TNFAIP1: variants seen among roughly 807,000 people sequenced by gnomAD.
The protein encoded by TNFAIP1 is BTB/POZ domain-containing adapter for CUL3-mediated RhoA degradation protein 2.
Under a neutral mutation model 32.6 loss-of-function variants are expected in TNFAIP1, and 20 were observed. The ratio of observed to expected loss-of-function variants is 0.61; its 90% CI spans 0.43 to 0.89. The LOEUF (loss-of-function observed/expected upper bound fraction) is 0.89. TNFAIP1 is among the 40% of genes least tolerant of loss of function. The probability of loss-of-function intolerance (pLI) is 0.00; values close to 1 mark genes in which losing one functional copy is unlikely to be tolerated. For missense variants in TNFAIP1, 319 were observed against 425.1 expected (o/e 0.75, Z 2.20); for synonymous variants, 166 against 166.8 (o/e 1.00, Z 0.04).
chr17:28,339,488 C>A lies in TNFAIP1; in HGVS notation c.-34C>A. The A allele has an allele frequency of 6.4e-7, 1 of 1,556,994 alleles. No individual in the cohort carries two copies. The highest frequency in any genetic ancestry group is 8.7e-7 in the Non-Finnish European group (1 of 1,151,908). On this transcript the variant is annotated 5_prime_UTR_variant, in exon 2 of 7. Coordinates refer to ENST00000226225, the MANE Select transcript of TNFAIP1 (RefSeq NM_021137.5). Reference sequence around the variant, plus strand: ...CCACGGCGGAGCCTTCCAAGCCTACCTCCTGCCGTGTGGTGATCTACCTGC... The same window carrying A: ...CCACGGCGGAGCCTTCCAAGCCTACATCCTGCCGTGTGGTGATCTACCTGC...
intron 1 of TNFAIP1, chr17:28,336,452 G>C (rs1907161376): frequency 6.6e-6 from 1 of 152,246 alleles, no homozygotes; most frequent in African/African-American, 2.4e-5. Flanking sequence ...ACGTCATCCA[G>C]GGGCTCAAAG....
At position 28,335,835 on chromosome 17, in the gene TNFAIP1, A is replaced by T. The variant is rs1351499050; in HGVS notation, c.-136A>T. ...GGAGTCCGCTGGCCACCCAGCTGAG[A>T]GGAGAGGCGCCCCCGGGGACGGTGA... On this transcript the variant is annotated 5_prime_UTR_variant, in exon 1 of 7. Coordinates refer to ENST00000226225, the MANE Select transcript of TNFAIP1 (RefSeq NM_021137.5). 2 of 152,154 alleles carry T rather than the reference A, an allele frequency of 1.3e-5. No homozygotes were observed. Among genetic ancestry groups the T allele is most frequent in the Non-Finnish European group, 2.9e-5 (2 of 68,110 alleles). 9.4% of individuals were successfully genotyped at this position (152,154 alleles called of 1,614,324 possible).
chr17:28,339,431 C>T lies in TNFAIP1; in HGVS notation c.-91C>T, dbSNP rs534764645. The T allele has an allele frequency of 1.1e-5, 14 of 1,299,412 alleles. No individual in the cohort carries two copies. The highest frequency in any genetic ancestry group is 7.4e-5 in the African/African-American group (5 of 67,760). The allele number at this position is 1,299,412 out of a possible 1,614,324, so 80.5% of individuals were successfully genotyped here. On this transcript the variant is annotated 5_prime_UTR_variant, in exon 2 of 7. Transcript: ENST00000226225. ...AGCACTGAGATTATGAGGCTCTGGC[C>T]TCCACTGGCCACTCACTCGTGACCC...
chr17:28,343,309 G>C lies in TNFAIP1; in HGVS notation c.714+867G>C, dbSNP rs1370553734. ...CCCCAGGCTGCAGTCAGTTACCCCA[G>C]AGAGTAGCTGCCTCCTGTGAGTGCA... On this transcript the variant is annotated intron_variant, in intron 6 of 6. Transcript: ENST00000226225. Among the ~76,000 whole-genome samples, 2 of 152,154 alleles carry C rather than the reference G, an allele frequency of 1.3e-5. 1 individual carries two copies. Among genetic ancestry groups the C allele is most frequent in the South Asian group, 4.1e-4 (2 of 4,822 alleles).
Position 28,340,249 on chromosome 17 carries a change from T to C in TNFAIP1, c.206-60T>C. 1 of 1,581,746 alleles carries C rather than the reference T, an allele frequency of 6.3e-7. No homozygotes were observed. On this transcript the variant is annotated intron_variant, in intron 2 of 6. Transcript: ENST00000226225. The surrounding 1 kb of genome is among the most constrained non-coding windows in gnomAD (Gnocchi z 4.1). ...CTGCCGCCAGCTTGTCAGGTGGCCT[T>C]TGCCTGCCTCGGAGGTACCTGGCGG... is the stretch of plus-strand genomic sequence containing the variant.
intron 1 of TNFAIP1, among the ~76,000 whole-genome samples, chr17:28,338,986 T>G (rs1907262201): frequency 6.6e-6 from 1 of 151,612 alleles, no homozygotes; most frequent in South Asian, 2.1e-4. Flanking sequence ...ATCCCAGCAC[T>G]TTGGGAGACT....
At position 28,339,465 on chromosome 17, in the gene TNFAIP1, A is replaced by G; in HGVS notation, c.-57A>G. On this transcript the variant is annotated 5_prime_UTR_variant, in exon 2 of 7. Coordinates refer to ENST00000226225, the MANE Select transcript of TNFAIP1 (RefSeq NM_021137.5). ...CCACTCACTCGTGACCCTTTCCACC[A>G]CGGCGGAGCCTTCCAAGCCTACCTC... 1 of 1,502,964 alleles carries G rather than the reference A, an allele frequency of 6.7e-7. No individual in the cohort carries two copies. The highest frequency in any genetic ancestry group is 8.9e-7 in the Non-Finnish European group (1 of 1,125,008). 93.1% of individuals were successfully genotyped at this position (1,502,964 alleles called of 1,614,324 possible).
chr17:28,337,275 A>G (rs1428572838), intron 1 of TNFAIP1, among the ~76,000 whole-genome samples: 4 of 152,178 alleles, frequency 2.6e-5, no homozygotes, highest in African/African-American at 9.7e-5. Context: ...CATATACTAT[A>G]TAGCAATTAG....
Position 28,344,783 on chromosome 17 carries a change from T to C in TNFAIP1, c.*183T>C, listed in dbSNP as rs939089652. ...GGACCACATTCCCCTGCCTTGCCCC[T>C]GAGCACTTCTGGAGACTGCGTCCTG... is the stretch of plus-strand genomic sequence containing the variant. On this transcript the variant is annotated 3_prime_UTR_variant, in exon 7 of 7. Coordinates refer to ENST00000226225, the MANE Select transcript of TNFAIP1 (RefSeq NM_021137.5). 1.6e-6 allele frequency: 1 copy of C among 628,482 alleles called. No individual in the cohort carries two copies. Among genetic ancestry groups the C allele is most frequent in the African/African-American group, 1.8e-5 (1 of 54,702 alleles). 38.9% of individuals were successfully genotyped at this position (628,482 alleles called of 1,614,324 possible).
In TNFAIP1 at chr17:28,344,504, C is replaced by A. The variant is rs782573580; in HGVS notation, c.855C>A (p.Thr285=). The change falls in exon 7 of 7, where the codon ACC becomes ACA. Residue 285 remains threonine (T), a synonymous_variant. Coordinates refer to ENST00000226225, the MANE Select transcript of TNFAIP1 (RefSeq NM_021137.5). ...CTTCCCCCAGTGAAGATGAGGAGACCTTTGAACTGCGGGACCGTGTCCGCC... is the reference window on the plus strand; with the variant it reads ...CTTCCCCCAGTGAAGATGAGGAGACATTTGAACTGCGGGACCGTGTCCGCC... ...SQASPSEDEE[T]FELRDRVRRI... The A allele has an allele frequency of 7.4e-6, 12 of 1,613,894 alleles. No individual in the cohort carries two copies. Among genetic ancestry groups the A allele is most frequent in the Non-Finnish European group, 1.0e-5 (12 of 1,180,048 alleles).
rs918283510 is a variant in TNFAIP1, at chr17:28,345,062, A to G, written c.*462A>G. 10 of 182,094 alleles carry G rather than the reference A, an allele frequency of 5.5e-5. No homozygotes were observed. Among genetic ancestry groups the G allele is most frequent in the African/African-American group, 2.3e-4 (10 of 42,952 alleles). The allele number at this position is 182,094 out of a possible 1,614,324, so 11.3% of individuals were successfully genotyped here. A position where few individuals can be genotyped will look rare whatever the true frequency, so the allele number is the denominator to read the frequency against. ...TGGTTTTTAAAAAATAATCTAGGAA[A>G]TGAATAATTCTAAATCTAGTAATGA... On this transcript the variant is annotated 3_prime_UTR_variant, in exon 7 of 7. Transcript: ENST00000226225.
chr17:28,340,527 C>T lies in TNFAIP1; in HGVS notation c.375+49C>T. ...GCGGGCAGATGAGGTCAGGAGTTGC[C>T]CCCTTCTTGTGGGATGGAGGACTCT... On this transcript the variant is annotated intron_variant, in intron 3 of 6. Transcript: ENST00000226225. This position sits in a 1 kb window ranked among gnomAD's most constrained non-coding sequence, Gnocchi z 4.1. The T allele has an allele frequency of 6.3e-7, 1 of 1,597,858 alleles. No individual in the cohort carries two copies.
rs376735584 is a variant in TNFAIP1 at position 28,342,424 on chromosome 17, G to A, written c.696G>A (p.Thr232=). 5.0e-6 allele frequency: 8 copies of A among 1,584,858 alleles called. No individual in the cohort carries two copies. Among genetic ancestry groups the A allele is most frequent in the African/African-American group, 1.3e-5 (1 of 74,468 alleles). ...GCTGTACCTCCATCGTGTATGCCAC[G>A]GAGAAGAAGCAGACCAAGGTGTGGG... The part of the protein sequence containing the change: ...EVCCTSIVYA[T]EKKQTKVEFP... The change falls in exon 6 of 7, where the codon ACG becomes ACA. Residue 232 remains threonine, a synonymous_variant. Transcript: ENST00000226225. This position sits in a 1 kb window ranked among gnomAD's most constrained non-coding sequence, Gnocchi z 4.0.
In TNFAIP1 at chr17:28,344,858, C is replaced by T. The variant is rs1555578712; in HGVS notation, c.*258C>T. ...CCTGCCCGACGGAGCTGCTTCTGCT[C>T]CCTGGGGCATATGGACTGACCCACC... On this transcript the variant is annotated 3_prime_UTR_variant, in exon 7 of 7. Coordinates refer to ENST00000226225, the MANE Select transcript of TNFAIP1 (RefSeq NM_021137.5). 1.3e-5 allele frequency: 7 copies of T among 536,746 alleles called. No homozygotes were observed. The highest frequency in any genetic ancestry group is 1.4e-5 in the Non-Finnish European group (4 of 295,812). 33.2% of individuals were successfully genotyped at this position (536,746 alleles called of 1,614,324 possible). A position where few individuals can be genotyped will look rare whatever the true frequency, so the allele number is the denominator to read the frequency against.
rs147106718 is a variant in TNFAIP1 at position 28,344,516 on chromosome 17, G to A, written c.867G>A (p.Arg289=). The change falls in exon 7 of 7, where the codon CGG becomes CGA. Residue 289 remains arginine (R), a synonymous_variant. Coordinates refer to ENST00000226225, the MANE Select transcript of TNFAIP1 (RefSeq NM_021137.5). ...AAGATGAGGAGACCTTTGAACTGCG[G>A]GACCGTGTCCGCCGCATCCACGTCA... ...PSEDEETFEL[R]DRVRRIHVKR... 3.2e-4 allele frequency: 523 copies of A among 1,613,912 alleles called. No homozygotes were observed. Among genetic ancestry groups the A allele is most frequent in the Non-Finnish European group, 2.8e-4 (336 of 1,180,026 alleles).
At position 28,342,240 on chromosome 17, in the gene TNFAIP1, T is replaced by G. The variant is rs2234118; in HGVS notation, c.519-7T>G. Reference sequence around the variant, plus strand: ...TCCCAGCCGCTTGGCCCTCATGTTTTTTTCAGCAACTCTGACGACCACCTG... The same window carrying G: ...TCCCAGCCGCTTGGCCCTCATGTTTGTTTCAGCAACTCTGACGACCACCTG... On this transcript the variant is annotated splice_polypyrimidine_tract_variant and splice_region_variant and intron_variant, in intron 5 of 6. Coordinates refer to ENST00000226225, the MANE Select transcript of TNFAIP1 (RefSeq NM_021137.5). The surrounding 1 kb of genome is among the most constrained non-coding windows in gnomAD (Gnocchi z 4.0). The G allele has an allele frequency of 9.4e-4, 1,473 of 1,575,000 alleles. 19 individuals are homozygous for G. The African/African-American group carries it at 0.018, about 19-fold the overall frequency.
rs782624780 is a variant in TNFAIP1 at position 28,341,407 on chromosome 17, G to T, written c.469G>T (p.Val157Leu). ...ERLIESSTKP[V>L]VKLLYNRSNN... ...CTCACTCTGAACTCCTTCACAGCCC[G>T]TGGTGAAGCTGCTGTACAACAGAAG... The change falls in exon 5 of 7, where the codon GTG (valine) becomes TTG (leucine). Residue 157 changes from valine to leucine, a missense_variant. Physicochemically the swap from Val to Leu is conservative, Grantham distance 32. Transcript: ENST00000226225. 1.2e-6 allele frequency: 2 copies of T among 1,614,204 alleles called. No individual in the cohort carries two copies. Among genetic ancestry groups the T allele is most frequent in the Non-Finnish European group, 8.5e-7 (1 of 1,180,028 alleles).
rs948751941 is a variant in TNFAIP1 at position 28,345,995 on chromosome 17, G to A, written c.*1395G>A. 11 of 152,174 alleles carry A rather than the reference G, an allele frequency of 7.2e-5. No homozygotes were observed. Among genetic ancestry groups the A allele is most frequent in the African/African-American group, 2.4e-4 (10 of 41,436 alleles). The allele number at this position is 152,174 out of a possible 1,614,324, so 9.4% of individuals were successfully genotyped here. A position where few individuals can be genotyped will look rare whatever the true frequency, so the allele number is the denominator to read the frequency against. On this transcript the variant is annotated 3_prime_UTR_variant, in exon 7 of 7. Transcript: ENST00000226225. ...TGTTCTGCCAGCCTAACAAAGCAAC[G>A]TAGCCACGTATAGTACCCACTTTCT...
At chr17:28,339,034 C>T (rs1907264181) in intron 1 of TNFAIP1, among the ~76,000 whole-genome samples, 1 of 148,292 alleles carries the variant, frequency 6.7e-6, no homozygotes, top group Non-Finnish European at 1.5e-5. Context: ...AATTCGAGAC[C>T]AGCCTGGGCA....
Sources: gnomAD v4.1 joint callset for allele counts (sites outside exome capture counted in the v4.1 genomes callset) on GRCh38, gnomAD v4.1.1 for gene constraint, Gnocchi (gnomAD v3.1) non-coding constraint, MANE v1.5 for transcripts, NCBI Gene and HGNC (gene_info 2026-07-23, HGNC 2026-07-21) for gene names.